Variants in SSBP2 observed in about 807,000 individuals in gnomAD.
SSBP2 encodes single-stranded DNA-binding protein 2.
Under a neutral mutation model 61.8 loss-of-function variants are expected in SSBP2, and 17 were observed. That is an observed-to-expected ratio of 0.28 (90% CI 0.19 to 0.41). The LOEUF (loss-of-function observed/expected upper bound fraction) is 0.41, where lower values mean the gene tolerates loss of function less well. Ranked by LOEUF, SSBP2 falls within the 10% of genes least tolerant of loss-of-function variation. The pLI is 1.00. For missense variants in SSBP2, 310 were observed against 458.7 expected, an observed-to-expected ratio of 0.68 and a Z score of 2.96; for synonymous variants, 139 against 141.3, an observed-to-expected ratio of 0.98 and a Z score of 0.12.
chr5:81,604,910 T>C (rs970356256), intron 4 of SSBP2, among the ~76,000 whole-genome samples: 2 of 152,136 alleles, frequency 1.3e-5, no homozygotes, highest in South Asian at 2.1e-4. Flanking sequence ...GTATTGAACA[T>C]GTAATATGTT....
intron 4 of SSBP2, among the ~76,000 whole-genome samples, chr5:81,542,817 TTCTCTCTCTC>T (rs60252222): frequency 1.2e-4 from 13 of 106,722 alleles, no homozygotes; most frequent in African/African-American, 3.3e-4. Flanking sequence ...ATTTGACAGT[TTCTCTCTCTC>T]TCTCTCTCTC....
chr5:81,550,859 G>A (rs1364153907), intron 4 of SSBP2, among the ~76,000 whole-genome samples: 2 of 152,162 alleles, frequency 1.3e-5, no homozygotes, highest in African/African-American at 4.8e-5. Flanking sequence ...CACTTCGGGA[G>A]GCCGAGGCAG....
At chr5:81,537,593 A>G (rs990201583) in intron 4 of SSBP2, among the ~76,000 whole-genome samples, 2 of 152,208 alleles carry the variant, frequency 1.3e-5, no homozygotes, top group Non-Finnish European at 2.9e-5. Context: ...GTCTCCATTC[A>G]TCATTTATCC....
intron 5 of SSBP2, among the ~76,000 whole-genome samples, chr5:81,500,351 C>T (rs1207547273): frequency 6.6e-6 from 1 of 151,140 alleles, no homozygotes; most frequent in African/African-American, 2.4e-5. Context: ...GTAGCTGGGA[C>T]TACAGGCACC....
intron 1 of SSBP2, among the ~76,000 whole-genome samples, chr5:81,716,794 T>C (rs189024625): frequency 1.3e-5 from 2 of 152,228 alleles, no homozygotes; most frequent in South Asian, 2.1e-4. Flanking sequence ...ACTGCTATTA[T>C]GAAGTTTAGT....
At chr5:81,475,609 C>G (rs1448562319) in intron 6 of SSBP2, among the ~76,000 whole-genome samples, 1 of 152,078 alleles carries the variant, frequency 6.6e-6, no homozygotes, top group Non-Finnish European at 1.5e-5. Flanking sequence ...AAACTTCTTT[C>G]AGTTTTTTTT....
At chr5:81,675,721 T>G (rs1751921039) in intron 1 of SSBP2, among the ~76,000 whole-genome samples, 1 of 152,222 alleles carries the variant, frequency 6.6e-6, no homozygotes, top group Non-Finnish European at 1.5e-5. Flanking sequence ...CTGCCCAAAC[T>G]GATTGCTGTG....
intron 5 of SSBP2, among the ~76,000 whole-genome samples, chr5:81,501,430 G>A (rs1286567448): frequency 6.7e-6 from 1 of 149,242 alleles, no homozygotes; most frequent in African/African-American, 2.4e-5. Context: ...ACATAGAGAA[G>A]GTAGTATTCA....
Position 81,705,906 on chromosome 5 carries a change from T to G in SSBP2, c.62+45075A>C, listed in dbSNP as rs145882210. ...CATACACTGTTGGTGGGAATGTAAA[T>G]TAGCTCAGCCACTGTGGAAAGCAGT... On this transcript the variant is annotated intron_variant, in intron 1 of 16. Transcript: ENST00000320672. Among the ~76,000 whole-genome samples the G allele has an allele frequency of 2.3e-3, 357 of 152,258 alleles. 3 individuals carry two copies. Among genetic ancestry groups the G allele is most frequent in the Middle Eastern group, 0.014 (4 of 294 alleles).
intron 1 of SSBP2, among the ~76,000 whole-genome samples, chr5:81,704,611 T>C (rs1478221422): frequency 1.3e-5 from 2 of 151,804 alleles, no homozygotes; most frequent in Non-Finnish European, 2.9e-5. Context: ...GCCTGGCCAA[T>C]ATGGCGAAAC....
At chr5:81,431,377 A>ATATATTAT (rs1762275776) in intron 15 of SSBP2, among the ~76,000 whole-genome samples, 2 of 152,132 alleles carry the variant, frequency 1.3e-5, no homozygotes, top group Non-Finnish European at 2.9e-5. Context: ...AACTTCAAGA[A>ATATATTAT]ATTTTATTAC....
chr5:81,668,419 G>A (rs1454709359), intron 1 of SSBP2, among the ~76,000 whole-genome samples: 1 of 151,744 alleles, frequency 6.6e-6, no homozygotes, highest in Non-Finnish European at 1.5e-5. Context: ...AAAATGACTA[G>A]GCTGTAAGAT....
At chr5:81,447,065 A>G in intron 11 of SSBP2, 143 bp from the exon 12 acceptor site, 1 of 602,790 alleles carries the variant, frequency 1.7e-6, no homozygotes, top group East Asian at 3.0e-5. Flanking sequence ...CTGCACAATC[A>G]TTTCAATATT....
chr5:81,465,174 A>C (rs1764804723), intron 9 of SSBP2, among the ~76,000 whole-genome samples: 1 of 151,988 alleles, frequency 6.6e-6, no homozygotes, highest in African/African-American at 2.4e-5. Flanking sequence ...AAACAGTAAC[A>C]AAAAAATGGA....
chr5:81,559,075 G>A (rs1428153419), intron 4 of SSBP2, among the ~76,000 whole-genome samples: 8 of 152,096 alleles, frequency 5.3e-5, no homozygotes, highest in Admixed American at 1.3e-4. Context: ...CCAACATGGC[G>A]AAATCCCATC....
intron 4 of SSBP2, among the ~76,000 whole-genome samples, chr5:81,593,770 C>A (rs1452085319): frequency 2.6e-5 from 4 of 152,100 alleles, no homozygotes; most frequent in Non-Finnish European, 5.9e-5. Flanking sequence ...GAAATAAAAT[C>A]CTTTACAGAC....
chr5:81,489,398 GAATT>G, intron 5 of SSBP2, 89 bp from the exon 6 acceptor site: 3 of 1,109,960 alleles, frequency 2.7e-6, no homozygotes, highest in Non-Finnish European at 1.3e-6. Flanking sequence ...AAAAATTTTA[GAATT>G]AATCAAATCA....
chr5:81,471,140 T>C (rs1435659492), intron 8 of SSBP2, among the ~76,000 whole-genome samples: 1 of 151,994 alleles, frequency 6.6e-6, no homozygotes, highest in South Asian at 2.1e-4. Context: ...CATCATATTA[T>C]ATAGAAATAG....
At chr5:81,524,624 G>T (rs1769771051) in intron 4 of SSBP2, among the ~76,000 whole-genome samples, 1 of 151,988 alleles carries the variant, frequency 6.6e-6, no homozygotes, top group African/African-American at 2.4e-5. Context: ...GTATGTACTT[G>T]CTAATTCTAT....
Sources: gnomAD v4.1 joint callset for allele counts (sites outside exome capture counted in the v4.1 genomes callset) on GRCh38, gnomAD v4.1.1 for gene constraint, MANE v1.5 for transcripts, NCBI Gene and HGNC (gene_info 2026-07-23, HGNC 2026-07-21) for gene names.